UPK3A: variants seen among roughly 807,000 people sequenced by gnomAD.
UPK3A encodes the protein uroplakin 3A, also known as uroplakin-3a.
A neutral mutation model predicts 27.6 loss-of-function variants in UPK3A; 32 were observed. That is an observed-to-expected ratio of 1.16 (90% CI 0.87 to 1.55). The LOEUF is 1.55. Among genes scored for constraint, UPK3A ranks in the 40% most tolerant of loss-of-function variants. The pLI is 0.00. For missense variants in UPK3A, 370 were observed against 367.9 expected, an observed-to-expected ratio of 1.01 and a Z score of -0.05; for synonymous variants, 171 against 163.9, an observed-to-expected ratio of 1.04 and a Z score of -0.33.
At position 45,285,977 on chromosome 22, in the gene UPK3A, TC is replaced by T. The variant is rs1413701986; in HGVS notation, c.90del (p.Phe30LeufsTer78). On this transcript the variant is annotated frameshift_variant, in exon 2 of 6. Coordinates refer to ENST00000216211, the MANE Select transcript of UPK3A (RefSeq NM_006953.4). LOFTEE classifies it high-confidence loss of function. ...NLQPQLASVT[F>X]ATNNPTLTTV... ...CAGCCCCAACTGGCCAGTGTGACTT[TC>T]GCCACCAACAACCCCACACTTACCA... 2.5e-6 allele frequency: 4 copies of T among 1,613,968 alleles called. No individual in the cohort carries two copies. Among genetic ancestry groups the T allele is most frequent in the Non-Finnish European group, 3.4e-6 (4 of 1,179,992 alleles).
rs374324121 is a variant in UPK3A, at chr22:45,289,161, G to A, written c.571+18G>A. On this transcript the variant is annotated intron_variant, in intron 4 of 5. Transcript: ENST00000216211. The stretch of plus-strand genomic sequence containing the variant: ...CAACCAGCGTAAGTGGTGGGCAGTG[G>A]TGGTGGTGATGCTCAAGGGGACCCG... The A allele has an allele frequency of 2.5e-6, 4 of 1,613,238 alleles. No homozygotes were observed. Among genetic ancestry groups the A allele is most frequent in the African/African-American group, 1.3e-5 (1 of 74,912 alleles).
In UPK3A at chr22:45,287,323, G is replaced by A. The variant is rs1418998977; in HGVS notation, c.360G>A (p.Gly120=). 6 of 1,614,088 alleles carry A rather than the reference G, an allele frequency of 3.7e-6. No individual in the cohort carries two copies. Among genetic ancestry groups the A allele is most frequent in the South Asian group, 2.2e-5 (2 of 91,088 alleles). ...CSDLPSLDAI[G]DVSKASQILN... is the part of the protein sequence containing the mutation. Reference sequence around the variant, plus strand: ...ACCTGCCCAGCCTGGATGCCATTGGGGATGTGTCCAAGGCCTCACAGATCC... The same window carrying A: ...ACCTGCCCAGCCTGGATGCCATTGGAGATGTGTCCAAGGCCTCACAGATCC... Residue 120 remains glycine (G), a synonymous_variant, in exon 3 of 6, where the codon GGG becomes GGA. Coordinates refer to ENST00000216211, the MANE Select transcript of UPK3A (RefSeq NM_006953.4).
In UPK3A at chr22:45,293,264, C is replaced by A. The variant is rs1175098485; in HGVS notation, c.655C>A (p.Pro219Thr). Residue 219 changes from proline to threonine, a missense_variant, in exon 5 of 6, where the codon CCC becomes ACC. Transcript: ENST00000216211. ...IVITSILGSL[P>T]FFLLVGFAGA... is the part of the protein sequence containing the mutation. Reference sequence around the variant, plus strand: ...CATCACTTCCATCCTGGGCTCCCTGCCCTTCTTTCTACTTGTGGGTTTTGC... The same window carrying A: ...CATCACTTCCATCCTGGGCTCCCTGACCTTCTTTCTACTTGTGGGTTTTGC... 1.9e-6 allele frequency: 3 copies of A among 1,614,026 alleles called. No homozygotes were observed. The African/African-American group carries it at 4.0e-5, about 22-fold the overall frequency.
chr22:45,292,702 A>G (rs1350428019), intron 4 of UPK3A, among the ~76,000 whole-genome samples: 8 of 151,958 alleles, frequency 5.3e-5, no homozygotes, highest in African/African-American at 1.9e-4. Flanking sequence ...CCAAGAGCTC[A>G]AGACCAGACT....
Position 45,287,086 on chromosome 22 carries a change from G to C in UPK3A, c.209-86G>C. On this transcript the variant is annotated intron_variant, in intron 2 of 5. Transcript: ENST00000216211. Reference sequence around the variant, plus strand: ...GCCCAGCACAGAGCTGGGGCAGAAAGGATGATCAGGCATTTGATGAATAAC... The same window carrying C: ...GCCCAGCACAGAGCTGGGGCAGAAACGATGATCAGGCATTTGATGAATAAC... 4 of 1,594,944 alleles carry C rather than the reference G, an allele frequency of 2.5e-6. No homozygotes were observed. In the South Asian group the frequency reaches 4.4e-5, roughly 18 times the overall value.
At chr22:45,293,797 G>A (rs1412976491) in intron 5 of UPK3A, among the ~76,000 whole-genome samples, 1 of 152,186 alleles carries the variant, frequency 6.6e-6, no homozygotes, top group Non-Finnish European at 1.5e-5. Flanking sequence ...GCAGTACAGA[G>A]GGGGAAACTG....
At chr22:45,294,045 G>A (rs536667438) in intron 5 of UPK3A, among the ~76,000 whole-genome samples, 10 of 152,236 alleles carry the variant, frequency 6.6e-5, no homozygotes, top group African/African-American at 2.4e-4. Flanking sequence ...ACAAACCAAG[G>A]TGCCGTGGGA....
At position 45,287,173 on chromosome 22, in the gene UPK3A, C is replaced by G; in HGVS notation, c.210C>G (p.Ala70=). Residue 70 remains alanine, a splice_region_variant and synonymous_variant, in exon 3 of 6, where the codon GCC becomes GCG. Transcript: ENST00000216211. ...TGACTCCCTGCACCGCCTCTGCAGC[C>G]ATTTCCAGGAATGCCTCAGTGCAAG... is the stretch of plus-strand genomic sequence containing the variant. ...EVYLYVLVDS[A]ISRNASVQDS... 6.2e-7 allele frequency: 1 copy of G among 1,614,104 alleles called. No individual in the cohort carries two copies. Among genetic ancestry groups the G allele is most frequent in the Non-Finnish European group, 8.5e-7 (1 of 1,180,044 alleles).
chr22:45,293,803 A>T (rs1486629559), intron 5 of UPK3A, among the ~76,000 whole-genome samples: 2 of 152,176 alleles, frequency 1.3e-5, no homozygotes, highest in Non-Finnish European at 2.9e-5. Context: ...CAGAGGGGGA[A>T]ACTGAGGCCC....
At chr22:45,288,226 G>T (rs536574049) in intron 3 of UPK3A, among the ~76,000 whole-genome samples, 3 of 150,500 alleles carry the variant, frequency 2.0e-5, no homozygotes, top group Non-Finnish European at 2.9e-5. Context: ...ATGGAGTTTC[G>T]CTCTTGTTGC....
chr22:45,295,547 T>A lies in UPK3A; in HGVS notation c.705-13T>A. Reference sequence around the variant, plus strand: ...GGTCCCCTAATCCTGGGTCTTTCCATCCCCTTGGACAGGGACATGGGGAGT... The same window carrying A: ...GGTCCCCTAATCCTGGGTCTTTCCAACCCCTTGGACAGGGACATGGGGAGT... On this transcript the variant is annotated splice_polypyrimidine_tract_variant and intron_variant, in intron 5 of 5. Transcript: ENST00000216211. The A allele has an allele frequency of 6.2e-7, 1 of 1,613,948 alleles. No individual in the cohort carries two copies. The highest frequency in any genetic ancestry group is 8.5e-7 in the Non-Finnish European group (1 of 1,179,984).
intron 3 of UPK3A, among the ~76,000 whole-genome samples, chr22:45,288,194 C>T (rs2084133048): frequency 6.8e-6 from 1 of 147,688 alleles, no homozygotes; most frequent in South Asian, 2.2e-4. Flanking sequence ...GCAGCCTCAA[C>T]TTCTGCTTTT....
At chr22:45,285,693 G>A (rs74522401) in intron 1 of UPK3A, among the ~76,000 whole-genome samples, 4,394 of 152,274 alleles carry the variant, frequency 0.029, 203 homozygotes, top group African/African-American at 0.099. Flanking sequence ...GAGATGCTTA[G>A]GAGGGGCAGT....
At chr22:45,292,919 C>T (rs868524174) in intron 4 of UPK3A, among the ~76,000 whole-genome samples, 15 of 138,606 alleles carry the variant, frequency 1.1e-4, no homozygotes, top group Non-Finnish European at 1.7e-4. Flanking sequence ...AAAACAATAA[C>T]GTAAAATAAT....
At chr22:45,286,239 C>A in intron 2 of UPK3A, 143 bp downstream of exon 2, 1 of 1,071,362 alleles carries the variant, frequency 9.3e-7, no homozygotes, top group Non-Finnish European at 1.4e-6. Flanking sequence ...CTGTCCTTGC[C>A]TTGCAGGGAC....
rs571261130 is a variant in UPK3A, at chr22:45,291,409, G to C, written c.572-1772G>C. 1.4e-3 allele frequency among the ~76,000 whole-genome samples: 214 copies of C among 150,626 alleles called. 1 individual carries two copies. Among genetic ancestry groups the C allele is most frequent in the African/African-American group, 5.0e-3 (205 of 41,014 alleles). ...TGTGTGTGGTGTGTGGGTGGTGTGAGAGTGTGTATTGTATGTGTGTGGTGT... is the reference window on the plus strand; with the variant it reads ...TGTGTGTGGTGTGTGGGTGGTGTGACAGTGTGTATTGTATGTGTGTGGTGT... On this transcript the variant is annotated intron_variant, in intron 4 of 5. Coordinates refer to ENST00000216211, the MANE Select transcript of UPK3A (RefSeq NM_006953.4).
At position 45,286,084 on chromosome 22, in the gene UPK3A, C is replaced by T. The variant is rs1347475603; in HGVS notation, c.196C>T (p.Leu66=). The T allele has an allele frequency of 1.2e-6, 2 of 1,614,184 alleles. No homozygotes were observed. The highest frequency in any genetic ancestry group is 1.7e-6 in the Non-Finnish European group (2 of 1,180,026). The change falls in exon 2 of 6, where the codon CTG becomes TTG. Residue 66 remains leucine, a synonymous_variant. Coordinates refer to ENST00000216211, the MANE Select transcript of UPK3A (RefSeq NM_006953.4). Reference sequence around the variant, plus strand: ...CACCCACGAGGTCTACCTGTATGTCCTGGTCGACTCAGGTAAGGGTCCTGC... The same window carrying T: ...CACCCACGAGGTCTACCTGTATGTCTTGGTCGACTCAGGTAAGGGTCCTGC... ...TGTHEVYLYV[L]VDSAISRNAS...
At chr22:45,295,463 T>C (rs576929110) in intron 5 of UPK3A, 97 bp from the exon 6 acceptor site, 4 of 1,316,220 alleles carry the variant, frequency 3.0e-6, no homozygotes, top group East Asian at 4.6e-5. Flanking sequence ...ACGATATCTG[T>C]GAAAGCTATG....
chr22:45,287,494 C>T, intron 3 of UPK3A, 43 bp downstream of exon 3: 1 of 1,557,264 alleles, frequency 6.4e-7, no homozygotes, highest in Non-Finnish European at 8.7e-7. Context: ...CGGCAGTTCC[C>T]CAGTCCTGAT....
Sources: gnomAD v4.1 joint callset for allele counts (sites outside exome capture counted in the v4.1 genomes callset) on GRCh38, gnomAD v4.1.1 for gene constraint, MANE v1.5 for transcripts, NCBI Gene and HGNC (gene_info 2026-07-23, HGNC 2026-07-21) for gene names.